The following MYH14 variants were observed in gnomAD, a reference collection of about 807,000 sequenced individuals.
MYH14 encodes the protein myosin heavy chain 14.
MYH14 carries 123 observed loss-of-function variants against 255.5 expected under a neutral mutation model. That is an observed-to-expected ratio of 0.48 (90% CI 0.42 to 0.56). MYH14 has a LOEUF of 0.56. Ranked by LOEUF, MYH14 falls within the 20% of genes least tolerant of loss-of-function variation. The probability of loss-of-function intolerance (pLI) is 0.00; values close to 1 mark genes in which losing one functional copy is unlikely to be tolerated. For synonymous variants in MYH14, 1,095 were observed against 1,161.2 expected (o/e 0.94, Z 1.16); for missense variants, 2,423 against 2,802.3 (o/e 0.86, Z 3.06).
intron 30 of MYH14, among the ~76,000 whole-genome samples, chr19:50,278,907 G>A (rs187052634): frequency 6.6e-6 from 1 of 151,804 alleles, no homozygotes; most frequent in Non-Finnish European, 1.5e-5. Context: ...AGAATCACTT[G>A]AACCCGGGAG....
chr19:50,295,026 T>TA (rs373838791), intron 39 of MYH14, among the ~76,000 whole-genome samples: 1 of 141,874 alleles, frequency 7.0e-6, no homozygotes, highest in Non-Finnish European at 1.5e-5. Context: ...TTTTTTTTTT[T>TA]AAAAACAGGC....
intron 26 of MYH14, 69 bp from the exon 27 acceptor site, chr19:50,272,491 G>A (rs1393753255): frequency 6.6e-7 from 1 of 1,507,722 alleles, no homozygotes; most frequent in Non-Finnish European, 9.0e-7. Context: ...GGGGACCTGT[G>A]GTCTCTGTGA....
rs1299587111 is a variant in MYH14, at chr19:50,230,835, G to A, written c.973+212G>A. On this transcript the variant is annotated intron_variant, in intron 9 of 42. Coordinates refer to ENST00000642316, the MANE Select transcript of MYH14 (RefSeq NM_001145809.2). This position sits in a 1 kb window ranked among gnomAD's most constrained non-coding sequence, Gnocchi z 4.7. ...GCGCTCTGGTTCCAGCTCTGTCCCG[G>A]GTCTGGCTCGCGCCCGCTGTCACGG... 11 of 554,016 alleles carry A rather than the reference G, an allele frequency of 2.0e-5. No homozygotes were observed. Among genetic ancestry groups the A allele is most frequent in the African/African-American group, 1.9e-4 (10 of 52,852 alleles). 34.3% of individuals were successfully genotyped at this position (554,016 alleles called of 1,614,324 possible). A position where few individuals can be genotyped will look rare whatever the true frequency, so the allele number is the denominator to read the frequency against.
chr19:50,274,754 C>A (rs999949487), intron 27 of MYH14, among the ~76,000 whole-genome samples: 3 of 152,072 alleles, frequency 2.0e-5, no homozygotes, highest in African/African-American at 7.2e-5. Context: ...TATAATGAGA[C>A]CCTGTCTCTA....
chr19:50,262,332 C>T (rs903021990), intron 21 of MYH14, among the ~76,000 whole-genome samples: 4 of 151,950 alleles, frequency 2.6e-5, no homozygotes, highest in East Asian at 3.9e-4. Flanking sequence ...CCAAGGCGGG[C>T]GGATCACTTG....
chr19:50,280,083 A>G lies in MYH14; in HGVS notation c.4079A>G (p.Lys1360Arg). Residue 1360 changes from lysine to arginine, a missense_variant, in exon 31 of 43, where the codon AAA (lysine) becomes AGA (arginine). Around this residue, in one of 3 missense-constraint regions of MYH14, gnomAD observed 1,513 missense variants for 1,674.8 expected, o/e 0.90. Coordinates refer to ENST00000642316, the MANE Select transcript of MYH14 (RefSeq NM_001145809.2). The surrounding 1 kb of genome is among the most constrained non-coding windows in gnomAD (Gnocchi z 4.8). ...VSGALNEAESKTIRLSKELSS... is the reference protein window; with the variant it reads ...VSGALNEAESRTIRLSKELSS... ...GGGGCGCTGAACGAGGCTGAGTCCA[A>G]AACCATCCGTCTTAGCAAGGAGCTG... The G allele has an allele frequency of 6.2e-7, 1 of 1,611,084 alleles. No homozygotes were observed. The highest frequency in any genetic ancestry group is 1.3e-5 in the African/African-American group (1 of 75,010).
chr19:50,283,128 T>G (rs1343874748), intron 33 of MYH14, among the ~76,000 whole-genome samples: 1 of 151,884 alleles, frequency 6.6e-6, no homozygotes, highest in African/African-American at 2.4e-5. Context: ...CAAAATAATT[T>G]TTTTTTTTTG....
rs556432402 is a variant in MYH14 at position 50,247,890 on chromosome 19, C to T, written c.1329+768C>T. Among the ~76,000 whole-genome samples the T allele has an allele frequency of 5.9e-5, 9 of 151,878 alleles. No homozygotes were observed. In the South Asian group the frequency reaches 6.2e-4, roughly 11 times the overall value. On this transcript the variant is annotated intron_variant, in intron 12 of 42. Transcript: ENST00000642316. Reference sequence around the variant, plus strand: ...CAGCCTGGGCAACATGGTGAATCTCCGTCTCTACTAAAATACAAAAATTAG... The same window carrying T: ...CAGCCTGGGCAACATGGTGAATCTCTGTCTCTACTAAAATACAAAAATTAG...
intron 10 of MYH14, among the ~76,000 whole-genome samples, chr19:50,238,955 A>T (rs1056299893): frequency 6.6e-6 from 1 of 152,178 alleles, no homozygotes; most frequent in Non-Finnish European, 1.5e-5. Context: ...CGAGTTCAGC[A>T]CAGCACTGTT....
In MYH14 at chr19:50,259,315, G is replaced by A. The variant is rs1224779507; in HGVS notation, c.2354+50G>A. The A allele has an allele frequency of 5.8e-6, 9 of 1,546,888 alleles. No homozygotes were observed. In the Admixed American group the frequency reaches 7.9e-5, roughly 14 times the overall value. ...CCGGCGGAGGGGCTGGGTGGGACCC[G>A]GGTCTGGAAGCCGACACACCTGCAT... On this transcript the variant is annotated intron_variant, in intron 19 of 42. Transcript: ENST00000642316.
At chr19:50,244,432 C>T (rs921969161) in intron 11 of MYH14, 95 bp downstream of exon 11, 1 of 905,392 alleles carries the variant, frequency 1.1e-6, no homozygotes, top group African/African-American at 1.6e-5. Context: ...GAGCATCCCC[C>T]TTCCAGCCAC....
rs1395704836 is a variant in MYH14, at chr19:50,249,825, T to C, written c.1656+2T>C. 1 of 1,614,106 alleles carries C rather than the reference T, an allele frequency of 6.2e-7. No homozygotes were observed. On this transcript the variant is annotated splice_donor_variant, in intron 14 of 42. Transcript: ENST00000642316. LOFTEE classifies it high-confidence loss of function. The stretch of plus-strand genomic sequence containing the variant: ...TGCATCGACCTCATCGAGCGGCCGG[T>C]GAGCCCCAGGCCCCTCCCAGCCCAC...
At chr19:50,216,345 G>A (rs1417714267) in intron 2 of MYH14, among the ~76,000 whole-genome samples, 1 of 152,054 alleles carries the variant, frequency 6.6e-6, no homozygotes. Context: ...ACTCAAGCCT[G>A]TAATCCCGGC....
At position 50,309,023 on chromosome 19, in the gene MYH14, C is replaced by T. The variant is rs758613792; in HGVS notation, c.5806C>T (p.Arg1936Ter). 3 of 1,612,592 alleles carry T rather than the reference C, an allele frequency of 1.9e-6. No individual in the cohort carries two copies. The highest frequency in any genetic ancestry group is 1.3e-5 in the African/African-American group (1 of 75,012). ...LRDQLEKGNL[R>*]VKQLKRQLEE... Reference sequence around the variant, plus strand: ...CATCAAGCTGGAGAAGGGAAACCTTCGAGTCAAGCAGCTGAAGCGGCAGCT... The same window carrying T: ...CATCAAGCTGGAGAAGGGAAACCTTTGAGTCAAGCAGCTGAAGCGGCAGCT... Residue 1936 changes from arginine (R) to a stop codon, truncating the protein, a stop_gained, in exon 42 of 43, where the codon CGA (arginine) becomes TGA (stop). Transcript: ENST00000642316. LOFTEE classifies it high-confidence loss of function.
At position 50,210,009 on chromosome 19, in the gene MYH14, A is replaced by G. The variant is rs1030484174; in HGVS notation, c.-3-354A>G. Reference sequence around the variant, plus strand: ...GCTACTTGGGAGGCTGAGGCAGGAGAATCACTTGAACCCTGGATGCCGAGG... The same window carrying G: ...GCTACTTGGGAGGCTGAGGCAGGAGGATCACTTGAACCCTGGATGCCGAGG... On this transcript the variant is annotated intron_variant, in intron 1 of 42. Coordinates refer to ENST00000642316, the MANE Select transcript of MYH14 (RefSeq NM_001145809.2). Among the ~76,000 whole-genome samples, 7 of 145,930 alleles carry G rather than the reference A, an allele frequency of 4.8e-5. No individual in the cohort carries two copies. In the Admixed American group the frequency reaches 5.0e-4, roughly 10 times the overall value.
At chr19:50,301,375 A>T (rs2036474929) in intron 39 of MYH14, among the ~76,000 whole-genome samples, 1 of 152,186 alleles carries the variant, frequency 6.6e-6, no homozygotes, top group Admixed American at 6.5e-5. Flanking sequence ...CAGAAGTAGA[A>T]TTTATGACAT....
At chr19:50,216,787 C>T (rs2032495552) in intron 2 of MYH14, among the ~76,000 whole-genome samples, 1 of 149,636 alleles carries the variant, frequency 6.7e-6, no homozygotes, top group African/African-American at 2.5e-5. Flanking sequence ...AAAAAGATTC[C>T]TCTTCCATCC....
In MYH14 at chr19:50,222,479, C is replaced by CAAA. The variant is rs542179852; in HGVS notation, c.563-585_563-583dup. The stretch of plus-strand genomic sequence containing the variant: ...TGGGCGACAGAGCAAGACTCCGTCT[C>CAAA]AAAAAAAAAAAAAAAAAAAAAGAAC... On this transcript the variant is annotated intron_variant, in intron 3 of 42. Transcript: ENST00000642316. 3.9e-3 allele frequency among the ~76,000 whole-genome samples: 270 copies of CAAA among 69,558 alleles called. 2 individuals are homozygous for CAAA. Among genetic ancestry groups the CAAA allele is most frequent in the East Asian group, 4.1e-3 (9 of 2,176 alleles). 45.6% of individuals were successfully genotyped at this position (69,558 alleles called of 152,430 possible). A position where few individuals can be genotyped will look rare whatever the true frequency, so the allele number is the denominator to read the frequency against.
chr19:50,260,611 ACT>A (rs1468166866), intron 19 of MYH14, 33 bp from the exon 20 acceptor site: 2 of 1,541,756 alleles, frequency 1.3e-6, no homozygotes, highest in Admixed American at 3.4e-5. Context: ...GTTTGCTGTA[ACT>A]CTCTCCTCCC....
Sources: allele counts gnomAD v4.1 joint callset (sites outside exome capture counted in the v4.1 genomes callset), GRCh38; gene constraint gnomAD v4.1.1; regional missense constraint gnomAD v4.1.1; non-coding constraint Gnocchi (gnomAD v3.1); transcripts MANE v1.5; gene names NCBI Gene and HGNC (gene_info 2026-07-23, HGNC 2026-07-21).